Variants in TULP3 observed in about 807,000 individuals in gnomAD.
TULP3 encodes the protein tubby-related protein 3.
TULP3 carries 38 observed loss-of-function variants against 50.7 expected under a neutral mutation model. The observed-to-expected ratio is 0.75, with a 90% CI of 0.58 to 0.98. The LOEUF is 0.98. Ranked by LOEUF, TULP3 falls within the 50% of genes least tolerant of loss-of-function variation. TULP3 has a pLI of 0.00. For missense variants in TULP3, 550 were observed against 568.0 expected, an observed-to-expected ratio of 0.97 and a Z score of 0.32; for synonymous variants, 183 against 196.6, an observed-to-expected ratio of 0.93 and a Z score of 0.58.
At chr12:2,904,639 T>G (rs112967856) in intron 1 of TULP3, among the ~76,000 whole-genome samples, 1 of 152,344 alleles carries the variant, frequency 6.6e-6, no homozygotes, top group African/African-American at 2.4e-5. Flanking sequence ...TTCCCCTGTT[T>G]GTACCAAGAA....
At chr12:2,938,012 T>G (rs1162307929) in intron 9 of TULP3, 102 bp from the exon 10 acceptor site, 1 of 1,309,124 alleles carries the variant, frequency 7.6e-7, no homozygotes, top group Non-Finnish European at 1.1e-6. Flanking sequence ...TCTTCGCTTC[T>G]GGTTTACCCT....
intron 2 of TULP3, among the ~76,000 whole-genome samples, chr12:2,916,721 G>T (rs948359087): frequency 3.9e-5 from 6 of 152,188 alleles, no homozygotes; most frequent in Non-Finnish European, 7.3e-5. Flanking sequence ...AACACAAGTA[G>T]CACTTCTCTC....
At chr12:2,933,243 A>G (rs1330753217) in intron 6 of TULP3, among the ~76,000 whole-genome samples, 175 bp from the exon 7 acceptor site, 2 of 152,110 alleles carry the variant, frequency 1.3e-5, no homozygotes, top group Non-Finnish European at 2.9e-5. Context: ...ACCCTGCCTG[A>G]TAGTGAATTC....
At chr12:2,892,469 AC>A (rs2098172739) in intron 1 of TULP3, among the ~76,000 whole-genome samples, 1 of 149,756 alleles carries the variant, frequency 6.7e-6, no homozygotes, top group African/African-American at 2.5e-5. Context: ...GGAAAAAAAA[AC>A]GGGATGCGGG....
chr12:2,904,725 C>T (rs1378720707), intron 1 of TULP3, among the ~76,000 whole-genome samples: 2 of 151,518 alleles, frequency 1.3e-5, no homozygotes, highest in African/African-American at 2.4e-5. Flanking sequence ...GAAATTCTTT[C>T]TGTTTTGTGT....
At chr12:2,917,751 C>G (rs56871397) in intron 2 of TULP3, among the ~76,000 whole-genome samples, 103 of 151,642 alleles carry the variant, frequency 6.8e-4, no homozygotes, top group African/African-American at 2.4e-3. Context: ...GTGCCGGACG[C>G]CTGTAGTCCC....
At chr12:2,920,694 G>A in intron 2 of TULP3, 69 bp from the exon 3 acceptor site, 7 of 1,559,794 alleles carry the variant, frequency 4.5e-6, no homozygotes, top group South Asian at 3.4e-5. Flanking sequence ...AAAACAAACT[G>A]GGCATGTTGG....
At chr12:2,899,918 AC>A (rs59217823) in intron 1 of TULP3, among the ~76,000 whole-genome samples, 38 of 54,732 alleles carry the variant, frequency 6.9e-4, no homozygotes, top group Middle Eastern at 0.019. Flanking sequence ...AAAAAAAAAA[AC>A]AAAAAAAACT....
chr12:2,928,205 A>T (rs2098195732), intron 4 of TULP3, among the ~76,000 whole-genome samples: 1 of 152,240 alleles, frequency 6.6e-6, no homozygotes, highest in African/African-American at 2.4e-5. Flanking sequence ...AAACATTCCT[A>T]GTTAGATTTA....
chr12:2,903,303 C>A (rs1230954678), intron 1 of TULP3, among the ~76,000 whole-genome samples: 1 of 151,714 alleles, frequency 6.6e-6, no homozygotes, highest in Non-Finnish European at 1.5e-5. Context: ...TGGCTCATGC[C>A]TGTAATCCCA....
rs1268651354 is a variant in TULP3, at chr12:2,914,997, C to CT, written c.93+5425dup. 2.1e-4 allele frequency among the ~76,000 whole-genome samples: 31 copies of CT among 146,112 alleles called. No homozygotes were observed. The East Asian group carries it at 5.7e-3, about 27-fold the overall frequency. Reference sequence around the variant, plus strand: ...TGCAGAATGGATTTTCTTTTCTTTTCTTTTTTTTGAGACAAGAGTGTAGCC... The same window carrying CT: ...TGCAGAATGGATTTTCTTTTCTTTTCTTTTTTTTTGAGACAAGAGTGTAGCC... On this transcript the variant is annotated intron_variant, in intron 2 of 10. Transcript: ENST00000448120.
chr12:2,913,398 C>T (rs997963133), intron 2 of TULP3, among the ~76,000 whole-genome samples: 10 of 151,218 alleles, frequency 6.6e-5, no homozygotes, highest in Admixed American at 2.6e-4. Context: ...CAGGCATGCA[C>T]GACCACACTT....
intron 6 of TULP3, among the ~76,000 whole-genome samples, chr12:2,931,793 T>G (rs536789739): frequency 1.3e-5 from 2 of 152,208 alleles, no homozygotes; most frequent in African/African-American, 2.4e-5. Context: ...TACTAGGTGT[T>G]AATTCTTCTA....
At chr12:2,922,488 A>C (rs956861835) in intron 4 of TULP3, 86 bp downstream of exon 4, 8 of 1,517,484 alleles carry the variant, frequency 5.3e-6, no homozygotes, top group African/African-American at 4.2e-5. Context: ...GTAACAATCT[A>C]CATGACTGAA....
chr12:2,902,227 T>TAATAAAAA (rs1229674474), intron 1 of TULP3, among the ~76,000 whole-genome samples: 1 of 152,196 alleles, frequency 6.6e-6, no homozygotes, highest in African/African-American at 2.4e-5. Context: ...CTTGTTGCAT[T>TAATAAAAA]AATGAGAGAA....
intron 2 of TULP3, among the ~76,000 whole-genome samples, chr12:2,919,344 T>A (rs2098190438): frequency 6.6e-6 from 1 of 152,206 alleles, no homozygotes; most frequent in Admixed American, 6.5e-5. Flanking sequence ...CTAACACCTA[T>A]TCATTCTTGA....
At chr12:2,931,827 G>A (rs2098198235) in intron 6 of TULP3, among the ~76,000 whole-genome samples, 1 of 151,960 alleles carries the variant, frequency 6.6e-6, no homozygotes, top group South Asian at 2.1e-4. Flanking sequence ...GAGTGTTTAC[G>A]ACAGACCAAG....
chr12:2,907,580 G>A lies in TULP3; in HGVS notation c.42-1949G>A, dbSNP rs946115408. 8.6e-5 allele frequency among the ~76,000 whole-genome samples: 13 copies of A among 151,352 alleles called. 1 individual carries two copies. The highest frequency in any genetic ancestry group is 2.2e-4 in the African/African-American group (9 of 41,140). On this transcript the variant is annotated intron_variant, in intron 1 of 10. Coordinates refer to ENST00000448120, the MANE Select transcript of TULP3 (RefSeq NM_003324.5). ...CGAGAATGGCTTGAACCCGGGAGGC[G>A]GAGGTTGCAGTGAGATGAGTTCAAG...
chr12:2,933,984 C>T (rs1315650633), intron 7 of TULP3, among the ~76,000 whole-genome samples: 4 of 152,036 alleles, frequency 2.6e-5, no homozygotes, highest in Non-Finnish European at 4.4e-5. Context: ...TGTGGTGGCT[C>T]AGGCCTATAA....
Sources: allele counts gnomAD v4.1 joint callset (sites outside exome capture counted in the v4.1 genomes callset), GRCh38; gene constraint gnomAD v4.1.1; transcripts MANE v1.5; gene names NCBI Gene and HGNC (gene_info 2026-07-23, HGNC 2026-07-21).